SUCLG2: variants seen among roughly 807,000 people sequenced by gnomAD.
SUCLG2 encodes the protein succinate--CoA ligase [GDP-forming] subunit beta, mitochondrial.
SUCLG2 carries 42 observed loss-of-function variants against 47.9 expected under a neutral mutation model. That is an observed-to-expected ratio of 0.88 (90% CI 0.69 to 1.14). The LOEUF is 1.14. Among genes scored for constraint, SUCLG2 ranks in the 50% most tolerant of loss-of-function variants. The probability of loss-of-function intolerance (pLI) is 0.00; values close to 1 mark genes in which losing one functional copy is unlikely to be tolerated. For synonymous variants in SUCLG2, 195 were observed against 197.3 expected (o/e 0.99, Z 0.10); for missense variants, 571 against 525.9 (o/e 1.09, Z -0.84).
intron 10 of SUCLG2, 122 bp from the exon 11 acceptor site, chr3:67,375,981 G>C: frequency 7.0e-7 from 1 of 1,421,684 alleles, no homozygotes; most frequent in African/African-American, 1.4e-5. Flanking sequence ...ATTAAATATA[G>C]GTTCTCATCA....
intron 9 of SUCLG2, among the ~76,000 whole-genome samples, chr3:67,418,602 A>G (rs919340938): frequency 1.3e-5 from 2 of 152,220 alleles, no homozygotes; most frequent in African/African-American, 4.8e-5. Flanking sequence ...TGATATAAAT[A>G]TAGTTAGTGC....
chr3:67,501,114 C>T (rs548149183), intron 7 of SUCLG2, among the ~76,000 whole-genome samples: 4 of 152,100 alleles, frequency 2.6e-5, no homozygotes, highest in African/African-American at 4.8e-5. Flanking sequence ...GGTCCTGTGC[C>T]GACTGTTAAT....
At chr3:67,447,515 G>A (rs1390497096) in intron 9 of SUCLG2, among the ~76,000 whole-genome samples, 1 of 152,166 alleles carries the variant, frequency 6.6e-6, no homozygotes, top group Non-Finnish European at 1.5e-5. Flanking sequence ...GGAAAAATGT[G>A]TGTCATGGAG....
intron 1 of SUCLG2, among the ~76,000 whole-genome samples, chr3:67,620,539 T>C (rs1315937973): frequency 7.9e-6 from 1 of 126,550 alleles, no homozygotes; most frequent in Non-Finnish European, 1.6e-5. Context: ...GAAACGAGAA[T>C]GCACCATTGG....
intron 4 of SUCLG2, among the ~76,000 whole-genome samples, chr3:67,521,155 T>A (rs1489397146): frequency 6.6e-6 from 1 of 152,232 alleles, no homozygotes; most frequent in Non-Finnish European, 1.5e-5. Context: ...ATAAAAAGAA[T>A]ATTTGCTTGT....
At chr3:67,623,847 C>T (rs56291937) in intron 1 of SUCLG2, among the ~76,000 whole-genome samples, 7,437 of 152,232 alleles carry the variant, frequency 0.049, 214 homozygotes, top group African/African-American at 0.08. Flanking sequence ...GGATAATGTA[C>T]GTGAAGGTGC....
chr3:67,375,494 G>C lies in SUCLG2; in HGVS notation c.*250C>G, dbSNP rs1559636229. 9 of 1,185,350 alleles carry C rather than the reference G, an allele frequency of 7.6e-6. No homozygotes were observed. Among genetic ancestry groups the C allele is most frequent in the Non-Finnish European group, 9.4e-6 (9 of 955,018 alleles). 73.4% of individuals were successfully genotyped at this position (1,185,350 alleles called of 1,614,324 possible). On this transcript the variant is annotated 3_prime_UTR_variant, in exon 11 of 11. Coordinates refer to ENST00000307227, the MANE Select transcript of SUCLG2 (RefSeq NM_003848.4). ...CACTCCCCAAAGTCTGCAAAACACTGCCTACTGGGCAGGCTTACAGTGACA... is the reference window on the plus strand; with the variant it reads ...CACTCCCCAAAGTCTGCAAAACACTCCCTACTGGGCAGGCTTACAGTGACA...
At chr3:67,479,343 G>C (rs988363440) in intron 9 of SUCLG2, among the ~76,000 whole-genome samples, 1 of 151,550 alleles carries the variant, frequency 6.6e-6, no homozygotes, top group East Asian at 1.9e-4. Context: ...AAAAAAAGCA[G>C]TGGTTTTTTC....
Position 67,509,465 on chromosome 3 carries a change from G to A in SUCLG2, c.661-562C>T, listed in dbSNP as rs76396714. Among the ~76,000 whole-genome samples the A allele has an allele frequency of 5.6e-3, 853 of 152,228 alleles. 6 individuals carry two copies. Among genetic ancestry groups the A allele is most frequent in the African/African-American group, 0.019 (773 of 41,536 alleles). Reference sequence around the variant, plus strand: ...AAACTGAAAATAGCTTGTCCCAAAGGCATTAACCACAAAGGGCAAGAATAT... The same window carrying A: ...AAACTGAAAATAGCTTGTCCCAAAGACATTAACCACAAAGGGCAAGAATAT... On this transcript the variant is annotated intron_variant, in intron 6 of 10. Coordinates refer to ENST00000307227, the MANE Select transcript of SUCLG2 (RefSeq NM_003848.4).
At chr3:67,456,232 T>C (rs1447935794) in intron 9 of SUCLG2, among the ~76,000 whole-genome samples, 1 of 152,206 alleles carries the variant, frequency 6.6e-6, no homozygotes, top group African/African-American at 2.4e-5. Context: ...TTATACTGCA[T>C]AGGACTCTCT....
chr3:67,544,061 C>T lies in SUCLG2; in HGVS notation c.227-14875G>A, dbSNP rs528492847. Among the ~76,000 whole-genome samples, 5 of 152,268 alleles carry T rather than the reference C, an allele frequency of 3.3e-5. No individual in the cohort carries two copies. In the East Asian group the frequency reaches 9.7e-4, roughly 29 times the overall value. ...TGCCCTTTTAAAATATTAGTGAGCACTTACTTATTCTATGGGAATTCAAAA... is the reference window on the plus strand; with the variant it reads ...TGCCCTTTTAAAATATTAGTGAGCATTTACTTATTCTATGGGAATTCAAAA... On this transcript the variant is annotated intron_variant, in intron 2 of 10. Transcript: ENST00000307227.
chr3:67,541,452 A>G (rs1223798371), intron 2 of SUCLG2, among the ~76,000 whole-genome samples: 3 of 152,060 alleles, frequency 2.0e-5, no homozygotes, highest in African/African-American at 2.4e-5. Flanking sequence ...GATCAACTCA[A>G]TGAAGATTAC....
chr3:67,584,853 G>A (rs1192471426), intron 2 of SUCLG2, among the ~76,000 whole-genome samples: 2 of 152,030 alleles, frequency 1.3e-5, no homozygotes, highest in African/African-American at 2.4e-5. Flanking sequence ...GATCTCATGC[G>A]AACTCACTCA....
intron 2 of SUCLG2, among the ~76,000 whole-genome samples, chr3:67,597,503 C>T (rs1360835688): frequency 1.3e-5 from 2 of 152,144 alleles, no homozygotes; most frequent in South Asian, 2.1e-4. Flanking sequence ...AAAGTTTTAG[C>T]CCTGGAACAA....
chr3:67,404,826 T>C (rs191771654), intron 9 of SUCLG2, among the ~76,000 whole-genome samples: 4 of 152,314 alleles, frequency 2.6e-5, no homozygotes, highest in Admixed American at 6.5e-5. Context: ...GACATCATTA[T>C]TATTATTTAG....
intron 2 of SUCLG2, among the ~76,000 whole-genome samples, chr3:67,574,308 T>A (rs1707689869): frequency 6.6e-6 from 1 of 152,220 alleles, no homozygotes; most frequent in Non-Finnish European, 1.5e-5. Flanking sequence ...TATTCACAGG[T>A]TCCAGGGCTT....
At chr3:67,562,898 T>C (rs1206089549) in intron 2 of SUCLG2, among the ~76,000 whole-genome samples, 1 of 152,054 alleles carries the variant, frequency 6.6e-6, no homozygotes, top group African/African-American at 2.4e-5. Context: ...TGTGTATGTA[T>C]GTACACATAT....
chr3:67,609,914 G>A (rs914501406), intron 1 of SUCLG2, among the ~76,000 whole-genome samples: 1 of 152,122 alleles, frequency 6.6e-6, no homozygotes, highest in Admixed American at 6.5e-5. Context: ...ACTACATGAG[G>A]TGTCAGCATT....
At chr3:67,376,367 A>T in intron 10 of SUCLG2, 1 of 985,434 alleles carries the variant, frequency 1.0e-6, no homozygotes, top group Non-Finnish European at 1.2e-6. Context: ...AAAACGGGCA[A>T]AGCAGCCTCT....
Sources: allele counts gnomAD v4.1 joint callset (sites outside exome capture counted in the v4.1 genomes callset), GRCh38; gene constraint gnomAD v4.1.1; transcripts MANE v1.5; gene names NCBI Gene and HGNC (gene_info 2026-07-23, HGNC 2026-07-21).